The following TOGARAM1 variants were observed in gnomAD, a reference collection of about 807,000 sequenced individuals.
TOGARAM1 encodes the protein TOG array regulator of axonemal microtubules 1.
A neutral mutation model predicts 166.6 loss-of-function variants in TOGARAM1; 100 were observed. The observed-to-expected ratio is 0.60, with a 90% CI of 0.51 to 0.71. The LOEUF is 0.71. TOGARAM1 is among the 30% of genes least tolerant of loss of function. TOGARAM1 has a pLI of 0.00. For synonymous variants in TOGARAM1, 758 were observed against 763.8 expected (o/e 0.99, Z 0.13); for missense variants, 2,029 against 2,102.7 (o/e 0.96, Z 0.69).
At position 45,073,627 on chromosome 14, in the gene TOGARAM1, AGTTAT is replaced by A. The variant is rs1883482110; in HGVS notation, c.*72_*76del. On this transcript the variant is annotated 3_prime_UTR_variant, in exon 20 of 20. Coordinates refer to ENST00000361462, the MANE Select transcript of TOGARAM1 (RefSeq NM_001308120.2). ...ATGATGACAAATGGAACTTTCTAAA[AGTTAT>A]GTTATCAGTGCCTGCACTTCACATC... The A allele has an allele frequency of 5.4e-6, 8 of 1,475,874 alleles. No individual in the cohort carries two copies. Among genetic ancestry groups the A allele is most frequent in the South Asian group, 1.3e-5 (1 of 76,414 alleles). 91.4% of individuals were successfully genotyped at this position (1,475,874 alleles called of 1,614,324 possible).
intron 1 of TOGARAM1, among the ~76,000 whole-genome samples, chr14:44,987,075 C>T (rs988179594): frequency 3.3e-5 from 5 of 150,320 alleles, no homozygotes; most frequent in African/African-American, 1.2e-4. Flanking sequence ...GGTGAAAACA[C>T]AGTTTAGTTT....
Position 44,999,461 on chromosome 14 carries a change from C to CAA in TOGARAM1, c.2303_2304dup (p.Phe769AsnfsTer3). 6.2e-7 allele frequency: 1 copy of CAA among 1,611,930 alleles called. No individual in the cohort carries two copies. Among genetic ancestry groups the CAA allele is most frequent in the Non-Finnish European group, 8.5e-7 (1 of 1,178,782 alleles). On this transcript the variant is annotated frameshift_variant, in exon 3 of 20. Coordinates refer to ENST00000361462, the MANE Select transcript of TOGARAM1 (RefSeq NM_001308120.2). LOFTEE classifies it high-confidence loss of function. ...AACTGGCAGTGTGGGTTCTGACTTA[C>CAA]AATTCCTAGGGACAACTAGCAGTCA... is the stretch of plus-strand genomic sequence containing the variant.
In TOGARAM1 at chr14:45,009,006, G is replaced by A; in HGVS notation, c.2998G>A (p.Ala1000Thr). The A allele has an allele frequency of 1.9e-6, 3 of 1,614,040 alleles. No homozygotes were observed. The highest frequency in any genetic ancestry group is 2.5e-6 in the Non-Finnish European group (3 of 1,179,970). ...TTCAGATCTTGAAAGCCCTGATTCT[G>A]CAATGAAGCTCGACTTGACGATGGA... ...STSDLESPDSAMKLDLTMDSP... is the reference protein window; with the variant it reads ...STSDLESPDSTMKLDLTMDSP... The change falls in exon 6 of 20, where the codon GCA (alanine) becomes ACA (threonine). Residue 1000 changes from alanine to threonine, a missense_variant. This residue lies in a region of TOGARAM1 where 1,453 missense variants were observed against 1,432.2 expected (regional missense o/e 1.01). Transcript: ENST00000361462.
intron 1 of TOGARAM1, among the ~76,000 whole-genome samples, chr14:44,977,631 A>G (rs201652524): frequency 3.3e-5 from 5 of 151,988 alleles, no homozygotes; most frequent in East Asian, 3.9e-4. Context: ...TGTTAAATGT[A>G]TGACATGCTT....
At chr14:45,054,940 A>AGT (rs1882559406) in intron 16 of TOGARAM1, among the ~76,000 whole-genome samples, 2 of 152,174 alleles carry the variant, frequency 1.3e-5, no homozygotes, top group African/African-American at 2.4e-5. Flanking sequence ...GAAGGCCAGA[A>AGT]GTGGTGGCTT....
rs1285150232 is a variant in TOGARAM1 at position 45,006,268 on chromosome 14, G to C, written c.2904+1G>C. 1 of 1,579,078 alleles carries C rather than the reference G, an allele frequency of 6.3e-7. No homozygotes were observed. The highest frequency in any genetic ancestry group is 1.2e-5 in the South Asian group (1 of 86,202). On this transcript the variant is annotated splice_donor_variant, in intron 5 of 19. Transcript: ENST00000361462. LOFTEE classifies it high-confidence loss of function. ...GGATAAAGATTTGGATCAAGAAGAG[G>C]TTAGAACCAAATATTTTTAATGACT...
intron 11 of TOGARAM1, among the ~76,000 whole-genome samples, chr14:45,036,403 A>G (rs369630053): frequency 6.6e-6 from 1 of 152,158 alleles, no homozygotes; most frequent in East Asian, 1.9e-4. Context: ...ACCCAACTAT[A>G]TGCTACCTAT....
intron 4 of TOGARAM1, among the ~76,000 whole-genome samples, chr14:45,005,386 G>C (rs1887904623): frequency 6.6e-6 from 1 of 152,124 alleles, no homozygotes; most frequent in Non-Finnish European, 1.5e-5. Context: ...AGGCCGAGGT[G>C]GTTGGATCCC....
intron 7 of TOGARAM1, among the ~76,000 whole-genome samples, chr14:45,015,351 T>TAA (rs1594656237): frequency 6.7e-6 from 1 of 150,102 alleles, no homozygotes; most frequent in Non-Finnish European, 1.5e-5. Flanking sequence ...AATAAATAAA[T>TAA]ATATTTATAC....
chr14:45,029,157 C>T (rs983551655), intron 10 of TOGARAM1, among the ~76,000 whole-genome samples: 2 of 152,088 alleles, frequency 1.3e-5, no homozygotes, highest in African/African-American at 4.8e-5. Context: ...TTAGCCTGTA[C>T]AATTGTGGCT....
chr14:45,030,071 C>T (rs1333833073), intron 10 of TOGARAM1, among the ~76,000 whole-genome samples: 5 of 152,142 alleles, frequency 3.3e-5, no homozygotes, highest in African/African-American at 1.2e-4. Flanking sequence ...CTGCTCACCT[C>T]AGCCTCCCAG....
At chr14:45,014,748 G>C (rs971350926) in intron 7 of TOGARAM1, among the ~76,000 whole-genome samples, 2 of 152,150 alleles carry the variant, frequency 1.3e-5, no homozygotes, top group Non-Finnish European at 2.9e-5. Flanking sequence ...TATTAGATTA[G>C]TGTTGCCTAT....
At chr14:45,038,233 C>T (rs569193799) in intron 11 of TOGARAM1, among the ~76,000 whole-genome samples, 1 of 152,300 alleles carries the variant, frequency 6.6e-6, no homozygotes, top group African/African-American at 2.4e-5. Context: ...CCAATTTTGT[C>T]ATGGGATCCT....
chr14:44,995,614 G>A, intron 1 of TOGARAM1, 132 bp from the exon 2 acceptor site: 1 of 683,164 alleles, frequency 1.5e-6, no homozygotes, highest in Admixed American at 2.4e-5. Flanking sequence ...ATGTTTATCT[G>A]TATCATTATA....
chr14:45,066,319 G>T (rs1333232682), intron 16 of TOGARAM1, among the ~76,000 whole-genome samples: 1 of 151,990 alleles, frequency 6.6e-6, no homozygotes, highest in Non-Finnish European at 1.5e-5. Context: ...ATTTTGTTTG[G>T]TATCCTTCTG....
chr14:45,063,775 C>G (rs1594706015), intron 16 of TOGARAM1, among the ~76,000 whole-genome samples: 1 of 152,112 alleles, frequency 6.6e-6, no homozygotes, highest in Non-Finnish European at 1.5e-5. Flanking sequence ...ACTGGCTTCT[C>G]GCCCGACAAA....
intron 7 of TOGARAM1, among the ~76,000 whole-genome samples, chr14:45,018,883 A>G (rs969123571): frequency 6.6e-6 from 1 of 152,230 alleles, no homozygotes; most frequent in Non-Finnish European, 1.5e-5. Flanking sequence ...CTTTGAAATA[A>G]CTGTTGAATA....
At chr14:45,031,692 A>G (rs974656317) in intron 10 of TOGARAM1, among the ~76,000 whole-genome samples, 1 of 152,244 alleles carries the variant, frequency 6.6e-6, no homozygotes, top group African/African-American at 2.4e-5. Flanking sequence ...ATTTGTTAAT[A>G]ATTTTGCATA....
chr14:45,024,805 G>T (rs1880730389), intron 7 of TOGARAM1, among the ~76,000 whole-genome samples: 1 of 152,272 alleles, frequency 6.6e-6, no homozygotes, highest in East Asian at 1.9e-4. Flanking sequence ...ATAAAGCCAG[G>T]TTACTATTAG....
Sources: allele counts gnomAD v4.1 joint callset (sites outside exome capture counted in the v4.1 genomes callset), GRCh38; gene constraint gnomAD v4.1.1; regional missense constraint gnomAD v4.1.1; transcripts MANE v1.5; gene names NCBI Gene and HGNC (gene_info 2026-07-23, HGNC 2026-07-21).